The following SRCAP variants were observed in gnomAD, a reference collection of about 807,000 sequenced individuals.
The protein encoded by SRCAP is Snf2 related CREBBP activator protein, also known as chromatin remodeling protein SRCAP.
SRCAP carries 46 observed loss-of-function variants against 263.1 expected under a neutral mutation model. That is an observed-to-expected ratio of 0.17 (90% CI 0.14 to 0.22). SRCAP has a LOEUF of 0.22. Ranked by LOEUF, SRCAP falls within the 10% of genes least tolerant of loss-of-function variation. SRCAP has a pLI of 1.00. For missense variants in SRCAP, 3,695 were observed against 4,181.9 expected, an observed-to-expected ratio of 0.88 and a Z score of 3.21; for synonymous variants, 1,813 against 1,662.1, an observed-to-expected ratio of 1.09 and a Z score of -2.21.
At position 30,739,336 on chromosome 16, in the gene SRCAP, G is replaced by T. The variant is rs1363246714; in HGVS notation, c.9296G>T (p.Ser3099Ile). 1.2e-6 allele frequency: 2 copies of T among 1,614,190 alleles called. No individual in the cohort carries two copies. Among genetic ancestry groups the T allele is most frequent in the Non-Finnish European group, 1.7e-6 (2 of 1,180,016 alleles). Residue 3099 changes from serine (S) to isoleucine (I), a missense_variant, in exon 34 of 34, where the codon AGC (serine) becomes ATC (isoleucine). Around this residue, in one of 12 missense-constraint regions of SRCAP, gnomAD observed 1,207 missense variants for 1,142.9 expected, o/e 1.06. Coordinates refer to ENST00000262518, the MANE Select transcript of SRCAP (RefSeq NM_006662.3). ...CAGGATGACCTGGACTTAGCAGATA[G>T]CGGGCCAGGCGGGTTGGAATTGACA... ...VIQDDLDLAD[S>I]GPGGLELTPP... is the part of the protein sequence containing the mutation.
In SRCAP at chr16:30,739,054, G is replaced by A; in HGVS notation, c.9014G>A (p.Arg3005Gln). ...TVTISTSPPK[R>Q]KRGRPPKNPP... is the part of the protein sequence containing the mutation. ...ACCATTTCAACGTCCCCACCCAAAC[G>A]GAAGAGGGGCCGACCTCCCAAGAAT... Residue 3005 changes from arginine to glutamine, a missense_variant, in exon 34 of 34, where the codon CGG (arginine) becomes CAG (glutamine). Coordinates refer to ENST00000262518, the MANE Select transcript of SRCAP (RefSeq NM_006662.3). 1.9e-6 allele frequency: 3 copies of A among 1,614,166 alleles called. No homozygotes were observed. The highest frequency in any genetic ancestry group is 2.5e-6 in the Non-Finnish European group (3 of 1,180,028).
chr16:30,713,147 C>A, intron 14 of SRCAP, 61 bp from the exon 15 acceptor site: 1 of 1,540,310 alleles, frequency 6.5e-7, no homozygotes, highest in Non-Finnish European at 8.9e-7. Flanking sequence ...TTTAGCATGT[C>A]TTCCCTTTGC....
rs149689808 is a variant in SRCAP, at chr16:30,710,752, A to G, written c.1135-2A>G. Reference sequence around the variant, plus strand: ...TTCCCTTTTTTATCTTTTGCCATACAGATAAAGCCCCCACCCTCTGCTGTC... The same window carrying G: ...TTCCCTTTTTTATCTTTTGCCATACGGATAAAGCCCCCACCCTCTGCTGTC... On this transcript the variant is annotated splice_acceptor_variant, in intron 8 of 33. Coordinates refer to ENST00000262518, the MANE Select transcript of SRCAP (RefSeq NM_006662.3). LOFTEE classifies it high-confidence loss of function. 23 of 1,614,066 alleles carry G rather than the reference A, an allele frequency of 1.4e-5. No individual in the cohort carries two copies. The African/African-American group carries it at 2.5e-4, about 18-fold the overall frequency.
rs201459891 is a variant in SRCAP at position 30,738,069 on chromosome 16, C to A, written c.8029C>A (p.Leu2677Met). The stretch of plus-strand genomic sequence containing the variant: ...GGAGGCTGACAGGACCTCGGAAGAG[C>A]TGACAGAGGCCAAGACCCCAACCTC... ...PLEADRTSEE[L>M]TEAKTPTSSP... Residue 2677 changes from leucine to methionine, a missense_variant, in exon 34 of 34, where the codon CTG becomes ATG. Coordinates refer to ENST00000262518, the MANE Select transcript of SRCAP (RefSeq NM_006662.3). 21 of 1,614,032 alleles carry A rather than the reference C, an allele frequency of 1.3e-5. No homozygotes were observed. The highest frequency in any genetic ancestry group is 8.5e-7 in the Non-Finnish European group (1 of 1,180,044).
chr16:30,729,274 T>C (rs2053091240), intron 26 of SRCAP, 43 bp downstream of exon 26: 2 of 1,596,488 alleles, frequency 1.3e-6, no homozygotes, highest in Non-Finnish European at 1.7e-6. Context: ...TCTTGGGGCC[T>C]CAGAGTGGAT....
Position 30,738,202 on chromosome 16 carries a change from G to A in SRCAP, c.8162G>A (p.Arg2721Gln), listed in dbSNP as rs758723663. Residue 2721 changes from arginine to glutamine, a missense_variant, in exon 34 of 34, where the codon CGG (arginine) becomes CAG (glutamine). By Grantham distance (43) the Arg-to-Gln change is conservative (BLOSUM62 1). Around this residue, in one of 12 missense-constraint regions of SRCAP, gnomAD observed 1,207 missense variants for 1,142.9 expected, o/e 1.06. Transcript: ENST00000262518. ...GGTCCTTCACCTGCCCGACCTCCTC[G>A]GCGTCGCACCAGTGCTGATGTGGAA... Reference protein sequence around the residue: ...PEGPSPARPPRRRTSADVEIR... With the variant: ...PEGPSPARPPQRRTSADVEIR... 9.9e-6 allele frequency: 16 copies of A among 1,614,034 alleles called. No individual in the cohort carries two copies. Among genetic ancestry groups the A allele is most frequent in the Non-Finnish European group, 1.3e-5 (15 of 1,180,044 alleles).
chr16:30,727,170 G>A (rs1299116616), intron 25 of SRCAP, among the ~76,000 whole-genome samples: 1 of 152,022 alleles, frequency 6.6e-6, no homozygotes, highest in Non-Finnish European at 1.5e-5. Context: ...CATCCTGCTG[G>A]GTGTGAAGTA....
rs370011284 is a variant in SRCAP at position 30,702,076 on chromosome 16, C to A, written c.54+1198C>A. On this transcript the variant is annotated intron_variant, in intron 3 of 33. Coordinates refer to ENST00000262518, the MANE Select transcript of SRCAP (RefSeq NM_006662.3). ...TCAAACAATTCTTCTGCCTCAGCCT[C>A]CTGAGTAGCTGGGACTACAGGTGCG... Among the ~76,000 whole-genome samples the A allele has an allele frequency of 9.9e-5, 15 of 151,894 alleles. No individual in the cohort carries two copies. In the South Asian group the frequency reaches 2.5e-3, roughly 25 times the overall value.
At chr16:30,700,262 A>T (rs1377607641) in intron 2 of SRCAP, among the ~76,000 whole-genome samples, 1 of 152,180 alleles carries the variant, frequency 6.6e-6, no homozygotes, top group Admixed American at 6.5e-5. Context: ...TTTACTGTGT[A>T]ACCTTCCGCA....
chr16:30,719,161 A>G (rs2052983822), intron 18 of SRCAP, among the ~76,000 whole-genome samples: 1 of 150,468 alleles, frequency 6.6e-6, no homozygotes, highest in East Asian at 2.0e-4. Flanking sequence ...CTCCCAAGGT[A>G]GTAGGATTAC....
At chr16:30,712,631 C>G in intron 13 of SRCAP, 48 bp from the exon 14 acceptor site, 1 of 1,612,464 alleles carries the variant, frequency 6.2e-7, no homozygotes, top group Non-Finnish European at 8.5e-7. Context: ...GAAATCAGAA[C>G]CACAGAATTT....
intron 32 of SRCAP, 70 bp downstream of exon 32, chr16:30,736,464 C>T: frequency 1.2e-6 from 2 of 1,609,932 alleles, no homozygotes; most frequent in Non-Finnish European, 1.7e-6. Flanking sequence ...TTTTGTCTTC[C>T]CTGGTGGGAA....
chr16:30,738,681 C>T lies in SRCAP; in HGVS notation c.8641C>T (p.Pro2881Ser). ...TGCTGGGAGAGGTGTGGATGAGGCA[C>T]CCTCATCCACCTTGAAGGGAAAAAC... ...ADAGRGVDEA[P>S]SSTLKGKTNG... Residue 2881 changes from proline (P) to serine (S), a missense_variant, in exon 34 of 34, where the codon CCC becomes TCC. By Grantham distance (74) the Pro-to-Ser change is moderately conservative. Transcript: ENST00000262518. 6.2e-7 allele frequency: 1 copy of T among 1,613,760 alleles called. No individual in the cohort carries two copies.
At chr16:30,700,543 G>T in intron 2 of SRCAP, 73 bp from the exon 3 acceptor site, 2 of 331,186 alleles carry the variant, frequency 6.0e-6, no homozygotes, top group Non-Finnish European at 1.1e-5. Flanking sequence ...GTTATTTCTG[G>T]TTTTTTAAAA....
rs1314981005 is a variant in SRCAP, at chr16:30,734,570, G to C, written c.6684G>C (p.Glu2228Asp). ...CATCCGTGCCCTCTGCCCCTGAAGA[G>C]GAGGAAGAGACTGTGGCCAGCAAGC... is the stretch of plus-strand genomic sequence containing the variant. Reference protein sequence around the residue: ...SSSSVPSAPEEEEETVASKQT... With the variant: ...SSSSVPSAPEDEEETVASKQT... The change falls in exon 31 of 34, where the codon GAG (glutamate) becomes GAC (aspartate). Residue 2228 changes from glutamate to aspartate, a missense_variant. Physicochemically the swap from Glu to Asp is conservative, Grantham distance 45. This residue lies in a region of SRCAP where 53 missense variants were observed against 45.6 expected (regional missense o/e 1.16). Coordinates refer to ENST00000262518, the MANE Select transcript of SRCAP (RefSeq NM_006662.3). 1 of 1,614,052 alleles carries C rather than the reference G, an allele frequency of 6.2e-7. No individual in the cohort carries two copies. Among genetic ancestry groups the C allele is most frequent in the Admixed American group, 1.7e-5 (1 of 60,002 alleles).
Position 30,712,274 on chromosome 16 carries a change from A to G in SRCAP, c.1828A>G (p.Ile610Val), listed in dbSNP as rs774011968. Residue 610 changes from isoleucine (I) to valine (V), a missense_variant, in exon 13 of 34, where the codon ATT (isoleucine) becomes GTT (valine). This residue lies in a region of SRCAP where 121 missense variants were observed against 330.7 expected (regional missense o/e 0.37). Transcript: ENST00000262518. ...TCCTCTCTGACAGGTAAAGACGCCCATTCCCCTGCTTCTGCGGGGCCAGCT... is the reference window on the plus strand; with the variant it reads ...TCCTCTCTGACAGGTAAAGACGCCCGTTCCCCTGCTTCTGCGGGGCCAGCT... ...TLATTQVKTP[I>V]PLLLRGQLRE... 7 of 1,596,608 alleles carry G rather than the reference A, an allele frequency of 4.4e-6. No individual in the cohort carries two copies. Among genetic ancestry groups the G allele is most frequent in the African/African-American group, 2.7e-5 (2 of 74,150 alleles).
chr16:30,707,174 C>G lies in SRCAP; in HGVS notation c.307-9C>G. ...AGAACTGTTGATTGATCTGGCTCTC[C>G]CTGATTAGGAGGCCGAGATCGAGAC... is the stretch of plus-strand genomic sequence containing the variant. On this transcript the variant is annotated splice_polypyrimidine_tract_variant and intron_variant, in intron 4 of 33. Coordinates refer to ENST00000262518, the MANE Select transcript of SRCAP (RefSeq NM_006662.3). 1 of 1,613,860 alleles carries G rather than the reference C, an allele frequency of 6.2e-7. No homozygotes were observed. The highest frequency in any genetic ancestry group is 1.1e-5 in the South Asian group (1 of 91,062).
chr16:30,731,509 T>TA (rs556997662), intron 27 of SRCAP, among the ~76,000 whole-genome samples: 3 of 152,032 alleles, frequency 2.0e-5, no homozygotes, highest in Non-Finnish European at 2.9e-5. Flanking sequence ...AATGTTTTAG[T>TA]AAAAAAAAGT....
At chr16:30,708,193 A>T (rs1169562576) in intron 6 of SRCAP, among the ~76,000 whole-genome samples, 2 of 151,916 alleles carry the variant, frequency 1.3e-5, no homozygotes, top group Middle Eastern at 3.2e-3. Context: ...CCTCATGTGT[A>T]CTTAGGGAAC....
Sources: gnomAD v4.1 joint callset for allele counts (sites outside exome capture counted in the v4.1 genomes callset) on GRCh38, gnomAD v4.1.1 for gene constraint, gnomAD v4.1.1 regional missense constraint, MANE v1.5 for transcripts, NCBI Gene and HGNC (gene_info 2026-07-23, HGNC 2026-07-21) for gene names.